PRDM16: variants seen among roughly 807,000 people sequenced by gnomAD.
The protein encoded by PRDM16 is PR/SET domain 16, also known as histone-lysine N-methyltransferase PRDM16.
A neutral mutation model predicts 110.6 loss-of-function variants in PRDM16; 23 were observed. That is an observed-to-expected ratio of 0.21 (90% CI 0.15 to 0.29). The LOEUF (loss-of-function observed/expected upper bound fraction) is 0.29, where lower values mean the gene tolerates loss of function less well. Among genes scored for constraint, PRDM16 ranks in the 10% least tolerant of loss-of-function variants. The probability of loss-of-function intolerance (pLI) is 1.00; values close to 1 mark genes in which losing one functional copy is unlikely to be tolerated. For synonymous variants in PRDM16, 799 were observed against 781.8 expected (o/e 1.02, Z -0.37); for missense variants, 1,615 against 1,794.3 (o/e 0.90, Z 1.81).
At chr1:3,117,551 C>T (rs1642989394) in intron 1 of PRDM16, among the ~76,000 whole-genome samples, 1 of 151,978 alleles carries the variant, frequency 6.6e-6, no homozygotes, top group Admixed American at 6.6e-5. Flanking sequence ...CTATGCTGTC[C>T]CCACCCCCGG....
At chr1:3,399,102 A>G (rs1643428380) in intron 5 of PRDM16, among the ~76,000 whole-genome samples, 1 of 152,214 alleles carries the variant, frequency 6.6e-6, no homozygotes, top group Non-Finnish European at 1.5e-5. Context: ...TTACACTTAC[A>G]ATGAAGAGGA....
intron 3 of PRDM16, among the ~76,000 whole-genome samples, chr1:3,369,897 T>G (rs1039344716): frequency 1.3e-4 from 20 of 152,242 alleles, no homozygotes; most frequent in African/African-American, 4.8e-4. Context: ...AGGTATTTGC[T>G]TAGACTTGGC....
At chr1:3,367,358 T>C (rs1483759605) in intron 3 of PRDM16, among the ~76,000 whole-genome samples, 2 of 152,142 alleles carry the variant, frequency 1.3e-5, no homozygotes, top group African/African-American at 4.8e-5. Flanking sequence ...TCTGCTCCAT[T>C]TGGACAGGAA....
At chr1:3,120,585 G>A (rs1156901207) in intron 1 of PRDM16, among the ~76,000 whole-genome samples, 1 of 152,114 alleles carries the variant, frequency 6.6e-6, no homozygotes, top group Non-Finnish European at 1.5e-5. Flanking sequence ...AGGAACTCGG[G>A]AGACCCCCAC....
chr1:3,321,624 CATAT>C lies in PRDM16; in HGVS notation c.439-63527_439-63524del, dbSNP rs373971368. 7.4e-3 allele frequency among the ~76,000 whole-genome samples: 1,109 copies of C among 150,050 alleles called. 11 individuals carry two copies. Among genetic ancestry groups the C allele is most frequent in the African/African-American group, 0.025 (1,003 of 40,726 alleles). On this transcript the variant is annotated intron_variant, in intron 3 of 16. Coordinates refer to ENST00000270722, the MANE Select transcript of PRDM16 (RefSeq NM_022114.4). The stretch of plus-strand genomic sequence containing the variant: ...GGTTGCACATGTATGTGAGGCCACA[CATAT>C]GTGTATGTATGTGTGATTGTGATGT...
intron 3 of PRDM16, among the ~76,000 whole-genome samples, chr1:3,292,724 CAG>C (rs554946688): frequency 4.0e-4 from 61 of 152,330 alleles, no homozygotes; most frequent in African/African-American, 1.3e-3. Context: ...CCCCAGGAGA[CAG>C]GGGTCACGGA....
Position 3,403,007 on chromosome 1 carries a change from C to A in PRDM16, c.884+9C>A, listed in dbSNP as rs372395047. 8.2e-5 allele frequency: 131 copies of A among 1,587,992 alleles called. No individual in the cohort carries two copies. The East Asian group carries it at 2.4e-3, about 30-fold the overall frequency. On this transcript the variant is annotated intron_variant, in intron 6 of 16. Transcript: ENST00000270722. ...TTCCCCAACAAGTACAGGTGCCACG[C>A]CCTCCTCTGAGTCTTCCTCCCCTTC...
At chr1:3,070,784 G>A (rs2100506666) in intron 1 of PRDM16, among the ~76,000 whole-genome samples, 1 of 152,264 alleles carries the variant, frequency 6.6e-6, no homozygotes, top group South Asian at 2.1e-4. Context: ...TAGGCCCCGC[G>A]CTCTGTGCAC....
intron 12 of PRDM16, among the ~76,000 whole-genome samples, chr1:3,420,025 T>C (rs752675895): frequency 3.2e-4 from 48 of 152,154 alleles, no homozygotes; most frequent in Middle Eastern, 3.4e-3. Context: ...ATGAGCTGTG[T>C]GTTTTTTCTG....
At chr1:3,412,934 T>C in intron 9 of PRDM16, 134 bp downstream of exon 9, 1 of 732,948 alleles carries the variant, frequency 1.4e-6, no homozygotes, top group South Asian at 2.7e-5. Context: ...TTCAGGAAGA[T>C]GCCCCTGTTC....
intron 3 of PRDM16, among the ~76,000 whole-genome samples, chr1:3,272,286 G>A (rs755822577): frequency 3.9e-5 from 6 of 152,196 alleles, no homozygotes; most frequent in Non-Finnish European, 8.8e-5. Context: ...GCGCTTTAAG[G>A]CCCATCTAGA....
intron 2 of PRDM16, among the ~76,000 whole-genome samples, chr1:3,236,625 TCCCTGGGAAAAGGGGCTG>T (rs1569898411): frequency 6.6e-6 from 1 of 152,132 alleles, no homozygotes; most frequent in East Asian, 1.9e-4. Flanking sequence ...TCTTCAGGCT[TCCCTGGGAAAAGGGGCTG>T]CCCAGCCCTG....
rs1203941672 is a variant in PRDM16, at chr1:3,359,378, C to T, written c.439-25774C>T. Among the ~76,000 whole-genome samples the T allele has an allele frequency of 6.6e-6, 1 of 152,226 alleles. No homozygotes were observed. Among genetic ancestry groups the T allele is most frequent in the Non-Finnish European group, 1.5e-5 (1 of 68,040 alleles). ...AGAACTATCAGGGTCTCCCTTCCGA[C>T]CAGGGCCTGAGGCAGAGCTTCCAGA... is the stretch of plus-strand genomic sequence containing the variant. On this transcript the variant is annotated intron_variant, in intron 3 of 16. Coordinates refer to ENST00000270722, the MANE Select transcript of PRDM16 (RefSeq NM_022114.4). The surrounding 1 kb of genome is among the most constrained non-coding windows in gnomAD (Gnocchi z 4.3).
intron 1 of PRDM16, among the ~76,000 whole-genome samples, chr1:3,114,794 C>G (rs1180877636): frequency 2.0e-5 from 3 of 152,282 alleles, no homozygotes; most frequent in African/African-American, 7.2e-5. Flanking sequence ...GCCACCACTC[C>G]CAGCCCTGCC....
rs372429202 is a variant in PRDM16 at position 3,290,041 on chromosome 1, G to A, written c.438+45904G>A. On this transcript the variant is annotated intron_variant, in intron 3 of 16. Coordinates refer to ENST00000270722, the MANE Select transcript of PRDM16 (RefSeq NM_022114.4). This position sits in a 1 kb window ranked among gnomAD's most constrained non-coding sequence, Gnocchi z 4.8. ...TGCCCCTGCTGCTGTGCCTCCCCTG[G>A]TGGAGCGGTTTCTGGCTTTAAAAGT... Among the ~76,000 whole-genome samples the A allele has an allele frequency of 5.3e-5, 8 of 152,266 alleles. No individual in the cohort carries two copies. In the South Asian group the frequency reaches 8.3e-4, roughly 16 times the overall value.
chr1:3,433,910 C>T lies in PRDM16; in HGVS notation c.*99C>T. On this transcript the variant is annotated 3_prime_UTR_variant, in exon 17 of 17. Coordinates refer to ENST00000270722, the MANE Select transcript of PRDM16 (RefSeq NM_022114.4). ...GGAGAACCCTGTCCCTGCGTGTGGC[C>T]ACTCCTCAGCATCCTCCCCACCCAC... is the stretch of plus-strand genomic sequence containing the variant. 1 of 1,196,706 alleles carries T rather than the reference C, an allele frequency of 8.4e-7. No homozygotes were observed. Among genetic ancestry groups the T allele is most frequent in the Admixed American group, 2.3e-5 (1 of 44,010 alleles). 74.1% of individuals were successfully genotyped at this position (1,196,706 alleles called of 1,614,324 possible). A position where few individuals can be genotyped will look rare whatever the true frequency, so the allele number is the denominator to read the frequency against.
At chr1:3,118,011 T>C (rs58543926) in intron 1 of PRDM16, among the ~76,000 whole-genome samples, 3 of 150,980 alleles carry the variant, frequency 2.0e-5, no homozygotes, top group East Asian at 1.9e-4. Flanking sequence ...TGCGTGTGCG[T>C]GTGTGCATGT....
chr1:3,360,908 T>G (rs1642700222), intron 3 of PRDM16, among the ~76,000 whole-genome samples: 1 of 152,104 alleles, frequency 6.6e-6, no homozygotes, highest in Middle Eastern at 3.4e-3. Flanking sequence ...GTCACAAACA[T>G]GGGGCCAGAT....
intron 1 of PRDM16, among the ~76,000 whole-genome samples, chr1:3,098,381 G>A (rs1178425099): frequency 1.3e-5 from 2 of 152,144 alleles, no homozygotes; most frequent in African/African-American, 4.8e-5. Flanking sequence ...GCGGAGTGGC[G>A]AGCTGGCAAG....
Sources: allele counts gnomAD v4.1 joint callset (sites outside exome capture counted in the v4.1 genomes callset), GRCh38; gene constraint gnomAD v4.1.1; non-coding constraint Gnocchi (gnomAD v3.1); transcripts MANE v1.5; gene names NCBI Gene and HGNC (gene_info 2026-07-23, HGNC 2026-07-21).